Variants in ARHGEF26 observed in about 807,000 individuals in gnomAD.
The protein encoded by ARHGEF26 is Rho guanine nucleotide exchange factor (GEF) 26.
In ARHGEF26, 59 loss-of-function variants were observed where a neutral mutation model predicts 89.4. The ratio of observed to expected loss-of-function variants is 0.66; its 90% confidence interval spans 0.54 to 0.82. ARHGEF26 has a LOEUF of 0.82. Among genes scored for constraint, ARHGEF26 ranks in the 40% least tolerant of loss-of-function variants. The pLI is 0.00. For missense variants in ARHGEF26, 1,234 were observed against 1,085.6 expected (o/e 1.14, Z -1.92); for synonymous variants, 500 against 428.4 (o/e 1.17, Z -2.06).
chr3:154,170,164 C>T (rs1214912524), intron 6 of ARHGEF26, among the ~76,000 whole-genome samples: 1 of 151,884 alleles, frequency 6.6e-6, no homozygotes, highest in African/African-American at 2.4e-5. Context: ...GAGTTCAAGA[C>T]CAGCCTGGGC....
At chr3:154,223,111 T>C (rs1716242112) in intron 10 of ARHGEF26, among the ~76,000 whole-genome samples, 1 of 152,168 alleles carries the variant, frequency 6.6e-6, no homozygotes, top group African/African-American at 2.4e-5. Flanking sequence ...AAGTTTGACC[T>C]TATGAATAAG....
At chr3:154,164,052 T>C (rs1711831711) in intron 6 of ARHGEF26, among the ~76,000 whole-genome samples, 1 of 152,152 alleles carries the variant, frequency 6.6e-6, no homozygotes, top group Admixed American at 6.6e-5. Flanking sequence ...AGGTTGTAAT[T>C]TTCTGCTTTT....
Position 154,256,999 on chromosome 3 carries a change from A to C in ARHGEF26, c.*1526A>C. 1 of 1,511,460 alleles carries C rather than the reference A, an allele frequency of 6.6e-7. No homozygotes were observed. The highest frequency in any genetic ancestry group is 1.3e-5 in the South Asian group (1 of 79,070). 93.6% of individuals were successfully genotyped at this position (1,511,460 alleles called of 1,614,324 possible). A position where few individuals can be genotyped will look rare whatever the true frequency, so the allele number is the denominator to read the frequency against. ...TTCTATTTGCTTTAACAAAGGGATA[A>C]AACCTGGCAAAGTGTACATTATTGG... On this transcript the variant is annotated 3_prime_UTR_variant, in exon 15 of 15. Coordinates refer to ENST00000465093, the MANE Select transcript of ARHGEF26 (RefSeq NM_015595.4).
chr3:154,199,285 T>G (rs758857050), intron 9 of ARHGEF26, among the ~76,000 whole-genome samples: 1 of 152,040 alleles, frequency 6.6e-6, no homozygotes, highest in Non-Finnish European at 1.5e-5. Flanking sequence ...TAAAAAAAAT[T>G]TTTAAATCCC....
chr3:154,123,942 T>C (rs1471599098), intron 2 of ARHGEF26, among the ~76,000 whole-genome samples: 1 of 152,184 alleles, frequency 6.6e-6, no homozygotes, highest in African/African-American at 2.4e-5. Flanking sequence ...GCAGCCACAT[T>C]TTTTCTTGGT....
chr3:154,249,803 C>T (rs1718018176), intron 12 of ARHGEF26, among the ~76,000 whole-genome samples: 1 of 152,186 alleles, frequency 6.6e-6, no homozygotes, highest in African/African-American at 2.4e-5. Flanking sequence ...AGGGAAAAGT[C>T]TGTGAACTGG....
intron 6 of ARHGEF26, chr3:154,187,024 T>A (rs1339660491): frequency 6.7e-6 from 1 of 149,240 alleles, no homozygotes; most frequent in East Asian, 2.1e-4. Flanking sequence ...CCTGAGTAGA[T>A]GGGACTACAG....
intron 4 of ARHGEF26, among the ~76,000 whole-genome samples, chr3:154,146,271 T>C (rs1719700997): frequency 6.6e-6 from 1 of 152,208 alleles, no homozygotes; most frequent in South Asian, 2.1e-4. Flanking sequence ...ATCCCATTCA[T>C]GGAGCAAAGC....
chr3:154,223,186 A>T (rs991650478), intron 10 of ARHGEF26, among the ~76,000 whole-genome samples: 3 of 152,100 alleles, frequency 2.0e-5, no homozygotes, highest in African/African-American at 7.2e-5. Context: ...GATTGAGTGG[A>T]GTGGTGGTAT....
chr3:154,257,274 T>C lies in ARHGEF26; in HGVS notation c.*1801T>C. The C allele has an allele frequency of 5.2e-6, 1 of 193,968 alleles. No individual in the cohort carries two copies. Among genetic ancestry groups the C allele is most frequent in the Non-Finnish European group, 1.0e-5 (1 of 95,970 alleles). The allele number at this position is 193,968 out of a possible 1,614,324, so 12.0% of individuals were successfully genotyped here. Reference sequence around the variant, plus strand: ...GTGAGTACCTTGAGATCTGAGCAACTGTGTTAATGAAGTAATAGCAATGGT... The same window carrying C: ...GTGAGTACCTTGAGATCTGAGCAACCGTGTTAATGAAGTAATAGCAATGGT... On this transcript the variant is annotated 3_prime_UTR_variant, in exon 15 of 15. Coordinates refer to ENST00000465093, the MANE Select transcript of ARHGEF26 (RefSeq NM_015595.4).
chr3:154,239,420 T>C (rs564938378), intron 11 of ARHGEF26, among the ~76,000 whole-genome samples: 1 of 151,888 alleles, frequency 6.6e-6, no homozygotes, highest in East Asian at 2.0e-4. Context: ...TCCAGGGGTC[T>C]ATAGATGACT....
intron 4 of ARHGEF26, among the ~76,000 whole-genome samples, chr3:154,131,922 G>A (rs1718703080): frequency 6.6e-6 from 1 of 152,166 alleles, no homozygotes; most frequent in Non-Finnish European, 1.5e-5. Context: ...GGCAAAAAAT[G>A]AATGTTGTGT....
intron 6 of ARHGEF26, among the ~76,000 whole-genome samples, chr3:154,186,949 T>G (rs561870738): frequency 8.0e-6 from 1 of 125,030 alleles, no homozygotes; most frequent in African/African-American, 3.0e-5. Flanking sequence ...TGGAGTCCAG[T>G]GGCGTGATCT....
chr3:154,131,879 G>C (rs2108051743), intron 4 of ARHGEF26, among the ~76,000 whole-genome samples: 1 of 152,290 alleles, frequency 6.6e-6, no homozygotes, highest in South Asian at 2.1e-4. Context: ...ATATCCTTCA[G>C]TTCAACTTTG....
chr3:154,151,017 T>G (rs1424311594), intron 5 of ARHGEF26, among the ~76,000 whole-genome samples: 1 of 152,214 alleles, frequency 6.6e-6, no homozygotes, highest in Non-Finnish European at 1.5e-5. Context: ...TTGCCCAGTT[T>G]GAGTATTTAG....
intron 6 of ARHGEF26, among the ~76,000 whole-genome samples, chr3:154,166,398 T>C (rs1332240944): frequency 2.0e-5 from 3 of 152,140 alleles, no homozygotes; most frequent in East Asian, 3.9e-4. Flanking sequence ...AGCAAACATA[T>C]GAATAACCTG....
chr3:154,212,239 G>A (rs1477532334), intron 9 of ARHGEF26, among the ~76,000 whole-genome samples: 1 of 151,852 alleles, frequency 6.6e-6, no homozygotes, highest in Non-Finnish European at 1.5e-5. Flanking sequence ...ACTGAGGTGG[G>A]AGGATTGCTT....
chr3:154,218,051 C>G, intron 10 of ARHGEF26, 93 bp downstream of exon 10: 2 of 1,178,930 alleles, frequency 1.7e-6, no homozygotes, highest in Non-Finnish European at 2.4e-6. Context: ...TAGGAAATTG[C>G]TTTTCAAAGA....
chr3:154,192,970 A>G (rs1437329982), intron 8 of ARHGEF26, among the ~76,000 whole-genome samples: 1 of 152,188 alleles, frequency 6.6e-6, no homozygotes, highest in East Asian at 1.9e-4. Flanking sequence ...ATGGGACTCT[A>G]AAATCTAACA....
Sources: allele counts gnomAD v4.1 joint callset (sites outside exome capture counted in the v4.1 genomes callset), GRCh38; gene constraint gnomAD v4.1.1; transcripts MANE v1.5; gene names NCBI Gene and HGNC (gene_info 2026-07-23, HGNC 2026-07-21).